The following KCNK10 variants were observed in gnomAD, a reference collection of about 807,000 sequenced individuals.
The protein encoded by KCNK10 is potassium two pore domain channel subfamily K member 10, also known as potassium channel subfamily K member 10.
Under a neutral mutation model 47.7 loss-of-function variants are expected in KCNK10, and 25 were observed. The observed-to-expected ratio is 0.52, with a 90% CI of 0.38 to 0.73. The LOEUF (loss-of-function observed/expected upper bound fraction) is 0.73. Among genes scored for constraint, KCNK10 ranks in the 30% least tolerant of loss-of-function variants. The pLI is 0.00. For missense variants in KCNK10, 563 were observed against 714.5 expected (o/e 0.79, Z 2.42); for synonymous variants, 303 against 285.6 (o/e 1.06, Z -0.61).
intron 4 of KCNK10, among the ~76,000 whole-genome samples, chr14:88,220,005 G>T (rs1885745825): frequency 6.6e-6 from 1 of 152,056 alleles, no homozygotes; most frequent in Non-Finnish European, 1.5e-5. Flanking sequence ...AGACAGAAGG[G>T]GAAATCTACA....
At chr14:88,203,723 T>TGTCA (rs1261195706) in intron 4 of KCNK10, among the ~76,000 whole-genome samples, 3 of 152,142 alleles carry the variant, frequency 2.0e-5, no homozygotes, top group Admixed American at 2.0e-4. Context: ...CACTCCCCCT[T>TGTCA]CTGAGGCAGA....
At chr14:88,246,220 G>A (rs903766190) in intron 2 of KCNK10, among the ~76,000 whole-genome samples, 16 of 137,400 alleles carry the variant, frequency 1.2e-4, no homozygotes, top group Admixed American at 9.6e-4. Flanking sequence ...CCCAGATCGC[G>A]CCACTGCACT....
chr14:88,320,100 A>G (rs1470889642), intron 1 of KCNK10, among the ~76,000 whole-genome samples: 2 of 152,122 alleles, frequency 1.3e-5, no homozygotes, highest in Non-Finnish European at 2.9e-5. Context: ...AGTCAGAGCA[A>G]CTCCACTGGA....
intron 4 of KCNK10, among the ~76,000 whole-genome samples, chr14:88,197,212 G>A (rs1884942138): frequency 6.6e-6 from 1 of 152,172 alleles, no homozygotes; most frequent in Non-Finnish European, 1.5e-5. Context: ...TGAAAAAGAT[G>A]TTGGTATATA....
intron 1 of KCNK10, among the ~76,000 whole-genome samples, chr14:88,266,545 A>C (rs1184561960): frequency 6.6e-6 from 1 of 152,222 alleles, no homozygotes; most frequent in Admixed American, 6.5e-5. Flanking sequence ...ATTTCTTGGC[A>C]TAGTGCCTGG....
chr14:88,299,956 A>G (rs1888061238), intron 1 of KCNK10, among the ~76,000 whole-genome samples: 1 of 152,186 alleles, frequency 6.6e-6, no homozygotes, highest in African/African-American at 2.4e-5. Context: ...CTGGGCCTGA[A>G]TCTGGTTTTG....
At chr14:88,264,681 G>A (rs560835397) in intron 1 of KCNK10, among the ~76,000 whole-genome samples, 9 of 152,278 alleles carry the variant, frequency 5.9e-5, no homozygotes, top group Admixed American at 4.6e-4. Flanking sequence ...TTTGGAAACC[G>A]AGCTGAACGT....
chr14:88,284,694 G>A (rs59845530), intron 1 of KCNK10, among the ~76,000 whole-genome samples: 5,889 of 152,168 alleles, frequency 0.039, 367 homozygotes, highest in African/African-American at 0.13. Context: ...TAGCCGTGCT[G>A]GCAGCCAAGG....
intron 1 of KCNK10, among the ~76,000 whole-genome samples, chr14:88,302,697 G>A (rs1308581645): frequency 6.6e-6 from 1 of 152,128 alleles, no homozygotes; most frequent in Admixed American, 6.6e-5. Context: ...GCAACAGAGA[G>A]AGATTTTGTC....
intron 2 of KCNK10, 32 bp downstream of exon 2, chr14:88,263,170 G>C: frequency 6.4e-7 from 1 of 1,558,704 alleles, no homozygotes. Context: ...CACCCCACCA[G>C]CTGGCCTAAG....
chr14:88,296,250 G>C (rs1210777085), intron 1 of KCNK10, among the ~76,000 whole-genome samples: 1 of 152,172 alleles, frequency 6.6e-6, no homozygotes, highest in African/African-American at 2.4e-5. Context: ...ATGCCCCATG[G>C]AGCAAAGCCT....
chr14:88,274,358 TC>T (rs1436080001), intron 1 of KCNK10, among the ~76,000 whole-genome samples: 1 of 151,774 alleles, frequency 6.6e-6, no homozygotes, highest in Non-Finnish European at 1.5e-5. Context: ...AAAGATCCTT[TC>T]CAAACCAGCC....
intron 2 of KCNK10, among the ~76,000 whole-genome samples, chr14:88,252,774 C>T (rs1374364219): frequency 2.0e-5 from 3 of 152,198 alleles, no homozygotes; most frequent in Non-Finnish European, 4.4e-5. Context: ...CAATCTGGCA[C>T]CCCAGCCTTG....
intron 1 of KCNK10, among the ~76,000 whole-genome samples, chr14:88,296,232 A>G (rs570859520): frequency 6.6e-6 from 1 of 152,234 alleles, no homozygotes; most frequent in East Asian, 1.9e-4. Flanking sequence ...GAAGTGGAGC[A>G]GACCTTGATG....
chr14:88,248,458 G>A (rs182420307), intron 2 of KCNK10, among the ~76,000 whole-genome samples: 128 of 152,230 alleles, frequency 8.4e-4, no homozygotes, highest in African/African-American at 3.0e-3. Flanking sequence ...GCTGGGCATG[G>A]TAGTTCATGC....
At chr14:88,256,521 C>T (rs975292664) in intron 2 of KCNK10, among the ~76,000 whole-genome samples, 2 of 152,060 alleles carry the variant, frequency 1.3e-5, no homozygotes, top group Non-Finnish European at 2.9e-5. Context: ...TAGATGCCCA[C>T]AGTAAACCCT....
chr14:88,308,418 C>T (rs1173711693), intron 1 of KCNK10, among the ~76,000 whole-genome samples: 1 of 152,228 alleles, frequency 6.6e-6, no homozygotes, highest in Non-Finnish European at 1.5e-5. Flanking sequence ...CTCATTCTGC[C>T]CCAGCAGCCC....
chr14:88,310,249 T>C (rs550539906), intron 1 of KCNK10, among the ~76,000 whole-genome samples: 1 of 17,202 alleles, frequency 5.8e-5, no homozygotes, highest in Non-Finnish European at 1.0e-4. Flanking sequence ...ATAAATGATA[T>C]GCATTTATCA....
At chr14:88,202,307 A>G (rs545192217) in intron 4 of KCNK10, among the ~76,000 whole-genome samples, 1 of 152,312 alleles carries the variant, frequency 6.6e-6, no homozygotes, top group Admixed American at 6.5e-5. Flanking sequence ...GGGCATGTCC[A>G]CGTCAGAGGA....
Sources: allele counts gnomAD v4.1 joint callset (sites outside exome capture counted in the v4.1 genomes callset), GRCh38; gene constraint gnomAD v4.1.1; transcripts MANE v1.5; gene names NCBI Gene and HGNC (gene_info 2026-07-23, HGNC 2026-07-21).